ANKAR: variants seen among roughly 807,000 people sequenced by gnomAD.
ANKAR encodes the protein ankyrin and armadillo repeat containing.
In ANKAR, 136 loss-of-function variants were observed where a neutral mutation model predicts 146.2. That is an observed-to-expected ratio of 0.93 (90% CI 0.81 to 1.07). The LOEUF (loss-of-function observed/expected upper bound fraction) is 1.07. Among genes scored for constraint, ANKAR ranks in the 50% least tolerant of loss-of-function variants. The probability of loss-of-function intolerance (pLI) is 0.00; values close to 1 mark genes in which losing one functional copy is unlikely to be tolerated. For synonymous variants in ANKAR, 500 were observed against 575.8 expected (o/e 0.87, Z 1.88); for missense variants, 1,567 against 1,679.9 (o/e 0.93, Z 1.18).
intron 18 of ANKAR, chr2:189,754,901 C>A (rs541515937): frequency 9.8e-6 from 4 of 407,088 alleles, no homozygotes; most frequent in Non-Finnish European, 1.7e-5. Context: ...CGTTCTTTCA[C>A]ATACATTATT....
At chr2:189,747,745 T>C (rs1290553215), downstream of ANKAR, among the ~76,000 whole-genome samples, 2 of 151,964 alleles carry the variant, frequency 1.3e-5, no homozygotes, top group African/African-American at 4.8e-5. Flanking sequence ...CAGGCTGGAG[T>C]GCAGTGGCAG....
chr2:189,744,698 T>C, intron 21 of ANKAR, 44 bp from the exon 22 acceptor site: 1 of 1,433,534 alleles, frequency 7.0e-7, no homozygotes, highest in Non-Finnish European at 9.8e-7. Flanking sequence ...TCTGGGTGCA[T>C]TATGTCTTCA....
At chr2:189,750,511 C>T, downstream of ANKAR, 1 of 800,266 alleles carries the variant, frequency 1.2e-6, no homozygotes, top group South Asian at 1.7e-5. Context: ...CAATTTGATA[C>T]ACAAAACAAT....
chr2:189,683,300 T>C (rs1313780940), intron 2 of ANKAR, among the ~76,000 whole-genome samples: 3 of 152,232 alleles, frequency 2.0e-5, no homozygotes, highest in Non-Finnish European at 4.4e-5. Flanking sequence ...CTGCTGTCTC[T>C]CATTAGCCGA....
downstream of ANKAR, among the ~76,000 whole-genome samples, chr2:189,747,618 TCTC>T (rs752835556): frequency 6.6e-6 from 1 of 152,172 alleles, no homozygotes; most frequent in East Asian, 1.9e-4. Flanking sequence ...AATGTCTGCT[TCTC>T]CTATTTTATA....
intron 10 of ANKAR, among the ~76,000 whole-genome samples, chr2:189,713,086 AT>A (rs2039933576): frequency 6.6e-6 from 1 of 152,334 alleles, no homozygotes; most frequent in African/African-American, 2.4e-5. Context: ...GTAAGAAGAA[AT>A]GAACAAAGCC....
chr2:189,704,944 T>C, intron 7 of ANKAR, 79 bp from the exon 8 acceptor site: 1 of 1,349,004 alleles, frequency 7.4e-7, no homozygotes, highest in Non-Finnish European at 1.1e-6. Flanking sequence ...GCTCTGTGGC[T>C]GGATATCAAT....
chr2:189,754,897 T>C, intron 18 of ANKAR: 1 of 405,088 alleles, frequency 2.5e-6, no homozygotes, highest in Non-Finnish European at 4.3e-6. Flanking sequence ...AGCACGTTCT[T>C]TCACATACAT....
intron 9 of ANKAR, among the ~76,000 whole-genome samples, chr2:189,707,380 C>A (rs889589595): frequency 2.0e-4 from 28 of 138,734 alleles, no homozygotes; most frequent in Non-Finnish European, 9.1e-5. Context: ...GTGACCCAGA[C>A]TATATTTTAC....
chr2:189,688,803 T>C (rs1214353514), intron 2 of ANKAR, among the ~76,000 whole-genome samples: 3 of 152,206 alleles, frequency 2.0e-5, no homozygotes, highest in African/African-American at 7.2e-5. Flanking sequence ...TAGGCCCTTA[T>C]TATACGTCAG....
chr2:189,728,587 G>A (rs1032507427), intron 14 of ANKAR, 73 bp from the exon 15 acceptor site: 2 of 1,537,752 alleles, frequency 1.3e-6, no homozygotes, highest in African/African-American at 2.7e-5. Context: ...ACAAGTGTCA[G>A]CCACCGTGTC....
At chr2:189,697,199 C>G (rs557487367) in intron 7 of ANKAR, among the ~76,000 whole-genome samples, 1 of 150,460 alleles carries the variant, frequency 6.6e-6, no homozygotes, top group East Asian at 2.0e-4. Context: ...AAGATGAGCC[C>G]GGGCAGCATA....
rs571210494 is a variant in ANKAR at position 189,738,602 on chromosome 2, A to C, written c.3620A>C (p.His1207Pro). 1.2e-6 allele frequency: 2 copies of C among 1,611,934 alleles called. No homozygotes were observed. Among genetic ancestry groups the C allele is most frequent in the Middle Eastern group, 1.7e-4 (1 of 6,054 alleles). The change falls in exon 19 of 23, where the codon CAT (histidine) becomes CCT (proline). Residue 1207 changes from histidine (H) to proline (P), a missense_variant. Coordinates refer to ENST00000684021, the MANE Select transcript of ANKAR (RefSeq NM_001378068.1). ...VLAKVIRDMD[H>P]ITLSARGVTI... is the part of the protein sequence containing the mutation. Reference sequence around the variant, plus strand: ...GCTAAAGTCATTAGAGATATGGACCATATTACTTTGTCTGCAAGAGGTGTT... The same window carrying C: ...GCTAAAGTCATTAGAGATATGGACCCTATTACTTTGTCTGCAAGAGGTGTT...
chr2:189,753,883 G>A (rs376014646), intron 18 of ANKAR: 3 of 1,606,324 alleles, frequency 1.9e-6, no homozygotes, highest in Non-Finnish European at 2.5e-6. Context: ...ATTGCAAAGT[G>A]TAACTATTAC....
chr2:189,729,790 G>C (rs2042245744), intron 15 of ANKAR, among the ~76,000 whole-genome samples: 1 of 150,116 alleles, frequency 6.7e-6, no homozygotes, highest in African/African-American at 2.4e-5. Context: ...ATATGTAGGT[G>C]ACTTCTCTTC....
intron 7 of ANKAR, among the ~76,000 whole-genome samples, chr2:189,703,342 G>A (rs1161990454): frequency 3.3e-5 from 5 of 152,152 alleles, no homozygotes; most frequent in African/African-American, 1.2e-4. Flanking sequence ...GGTAGAGATG[G>A]GTTCTAGAGA....
intron 10 of ANKAR, among the ~76,000 whole-genome samples, chr2:189,718,221 G>A (rs1355570399): frequency 6.6e-6 from 1 of 152,212 alleles, no homozygotes; most frequent in Non-Finnish European, 1.5e-5. Flanking sequence ...GGGAGGCCAA[G>A]GCAGGAGGAT....
intron 19 of ANKAR, 125 bp downstream of exon 19, chr2:189,738,807 TG>T (rs2043076157): frequency 1.7e-6 from 1 of 578,980 alleles, no homozygotes; most frequent in Admixed American, 3.4e-5. Context: ...AACGAACTTA[TG>T]TTTATATCTA....
At chr2:189,700,793 T>C (rs1262527162) in intron 7 of ANKAR, among the ~76,000 whole-genome samples, 1 of 152,224 alleles carries the variant, frequency 6.6e-6, no homozygotes, top group Non-Finnish European at 1.5e-5. Flanking sequence ...AGTTTGTCTT[T>C]CTTTGCCTGA....
Sources: allele counts gnomAD v4.1 joint callset (sites outside exome capture counted in the v4.1 genomes callset), GRCh38; gene constraint gnomAD v4.1.1; transcripts MANE v1.5; gene names NCBI Gene and HGNC (gene_info 2026-07-23, HGNC 2026-07-21).